NRG3: variants seen among roughly 807,000 people sequenced by gnomAD.
The protein encoded by NRG3 is neuregulin 3.
A neutral mutation model predicts 66.9 loss-of-function variants in NRG3; 31 were observed. The observed-to-expected ratio is 0.46, with a 90% CI of 0.35 to 0.63. The LOEUF (loss-of-function observed/expected upper bound fraction) is 0.63, where lower values mean the gene tolerates loss of function less well. Ranked by LOEUF, NRG3 falls within the 20% of genes least tolerant of loss-of-function variation. The probability of loss-of-function intolerance (pLI) is 0.00; values close to 1 mark genes in which losing one functional copy is unlikely to be tolerated. For missense variants in NRG3, 910 were observed against 878.9 expected, an observed-to-expected ratio of 1.04 and a Z score of -0.45; for synonymous variants, 393 against 359.4, an observed-to-expected ratio of 1.09 and a Z score of -1.06.
At chr10:81,918,701 T>C (rs1845933643) in intron 1 of NRG3, among the ~76,000 whole-genome samples, 2 of 152,130 alleles carry the variant, frequency 1.3e-5, no homozygotes, top group Admixed American at 6.6e-5. Flanking sequence ...AAATGAGGAC[T>C]TGCTGATAGA....
chr10:82,001,867 G>A (rs1160437239), intron 1 of NRG3, among the ~76,000 whole-genome samples: 1 of 152,062 alleles, frequency 6.6e-6, no homozygotes, highest in East Asian at 1.9e-4. Context: ...TGTATGTTTG[G>A]GACCTAATAA....
chr10:82,666,711 C>G (rs940009994), intron 2 of NRG3, among the ~76,000 whole-genome samples: 1 of 152,220 alleles, frequency 6.6e-6, no homozygotes, highest in African/African-American at 2.4e-5. Flanking sequence ...AACTGCAGAT[C>G]TGACTTCTAT....
rs1249937269 is a variant in NRG3, at chr10:82,895,964, C to T, written c.1054+30527C>T. 3.3e-5 allele frequency among the ~76,000 whole-genome samples: 5 copies of T among 152,084 alleles called. No individual in the cohort carries two copies. In the East Asian group the frequency reaches 9.7e-4, roughly 29 times the overall value. On this transcript the variant is annotated intron_variant, in intron 4 of 8. Coordinates refer to ENST00000372141, the MANE Select transcript of NRG3 (RefSeq NM_001010848.4). ...GATAGGATCGAATGAAATACTGCAG[C>T]TAATGTACTCAATGCAGTGGCTGAG... is the stretch of plus-strand genomic sequence containing the variant.
intron 2 of NRG3, among the ~76,000 whole-genome samples, chr10:82,556,813 T>A (rs2044681179): frequency 6.6e-6 from 1 of 152,024 alleles, no homozygotes; most frequent in Non-Finnish European, 1.5e-5. Flanking sequence ...CTGAAGTAGA[T>A]CCCAGTGTCT....
intron 4 of NRG3, among the ~76,000 whole-genome samples, chr10:82,923,719 A>G (rs1846690757): frequency 6.6e-6 from 1 of 152,114 alleles, no homozygotes; most frequent in African/African-American, 2.4e-5. Context: ...TTCTTGTTTA[A>G]GTAGGTTAAA....
chr10:82,855,558 C>T (rs900600696), intron 3 of NRG3, among the ~76,000 whole-genome samples: 8 of 152,128 alleles, frequency 5.3e-5, no homozygotes, highest in Middle Eastern at 3.4e-3. Context: ...CCACCATGCC[C>T]GGCTGATTTT....
intron 2 of NRG3, among the ~76,000 whole-genome samples, chr10:82,630,298 A>G (rs910898957): frequency 9.2e-5 from 14 of 151,978 alleles, no homozygotes; most frequent in African/African-American, 3.4e-4. Context: ...TCTTTTCAAG[A>G]TAGGGTTGTG....
intron 1 of NRG3, among the ~76,000 whole-genome samples, chr10:81,936,128 C>T (rs1347845533): frequency 1.3e-5 from 2 of 151,978 alleles, no homozygotes; most frequent in Non-Finnish European, 2.9e-5. Context: ...ATAGAGGGAA[C>T]AGTGGAGAAA....
At chr10:82,321,831 G>A (rs181874740) in intron 1 of NRG3, among the ~76,000 whole-genome samples, 30 of 152,256 alleles carry the variant, frequency 2.0e-4, no homozygotes, top group Non-Finnish European at 1.6e-4. Flanking sequence ...TCTCCCTCTA[G>A]TTAACATGGC....
In NRG3 at chr10:82,116,887, A is replaced by G. The variant is rs543248242; in HGVS notation, c.823+240724A>G. Among the ~76,000 whole-genome samples, 6 of 152,198 alleles carry G rather than the reference A, an allele frequency of 3.9e-5. No homozygotes were observed. The East Asian group carries it at 1.2e-3, about 30-fold the overall frequency. On this transcript the variant is annotated intron_variant, in intron 1 of 8. Coordinates refer to ENST00000372141, the MANE Select transcript of NRG3 (RefSeq NM_001010848.4). ...CTTCGGTACTCTTCTCCTTCCAGAC[A>G]TCCATGACCTGGAGCTTTGCTTTCA...
chr10:82,235,713 T>C (rs980348642), intron 1 of NRG3, among the ~76,000 whole-genome samples: 13 of 152,182 alleles, frequency 8.5e-5, no homozygotes, highest in Admixed American at 5.2e-4. Flanking sequence ...AGCCTACTAG[T>C]GTGGCATTGT....
chr10:82,254,298 C>G (rs546293663), intron 1 of NRG3, among the ~76,000 whole-genome samples: 3 of 152,108 alleles, frequency 2.0e-5, no homozygotes, highest in Non-Finnish European at 4.4e-5. Flanking sequence ...TTAACGTAAA[C>G]TAGATTTGAT....
chr10:82,489,406 G>A (rs1207965213), intron 2 of NRG3, among the ~76,000 whole-genome samples: 1 of 152,156 alleles, frequency 6.6e-6, no homozygotes, highest in East Asian at 1.9e-4. Flanking sequence ...GGCTGGTATT[G>A]CATCAGCAGC....
chr10:82,450,101 G>A (rs1224584384), intron 2 of NRG3, among the ~76,000 whole-genome samples: 1 of 152,186 alleles, frequency 6.6e-6, no homozygotes, highest in Non-Finnish European at 1.5e-5. Context: ...TATACATCAA[G>A]TTCAACATTT....
intron 2 of NRG3, among the ~76,000 whole-genome samples, chr10:82,630,721 T>C (rs1416394566): frequency 6.6e-6 from 1 of 152,122 alleles, no homozygotes; most frequent in Non-Finnish European, 1.5e-5. Flanking sequence ...GCCAATTTTA[T>C]ATTTAATTTT....
intron 2 of NRG3, among the ~76,000 whole-genome samples, chr10:82,678,610 T>A (rs1352789202): frequency 6.6e-6 from 1 of 152,142 alleles, no homozygotes; most frequent in Non-Finnish European, 1.5e-5. Context: ...TTAAACCAAT[T>A]GTTATTTTAG....
At position 81,987,567 on chromosome 10, in the gene NRG3, C is replaced by A. The variant is rs546457577; in HGVS notation, c.823+111404C>A. On this transcript the variant is annotated intron_variant, in intron 1 of 8. Transcript: ENST00000372141. ...AAAAATGCTAGCTAATGGCAAATGGCAAAATGGCTTTTGGAGGGTATGTAA... is the reference window on the plus strand; with the variant it reads ...AAAAATGCTAGCTAATGGCAAATGGAAAAATGGCTTTTGGAGGGTATGTAA... Among the ~76,000 whole-genome samples, 448 of 152,172 alleles carry A rather than the reference C, an allele frequency of 2.9e-3. 2 individuals are homozygous for A. Among genetic ancestry groups the A allele is most frequent in the African/African-American group, 0.01 (435 of 41,514 alleles).
chr10:82,042,932 G>A (rs76866274), intron 1 of NRG3, among the ~76,000 whole-genome samples: 3,980 of 151,988 alleles, frequency 0.026, 133 homozygotes, highest in East Asian at 0.14. Context: ...GGCAACATTC[G>A]CAAAACATTT....
intron 1 of NRG3, among the ~76,000 whole-genome samples, chr10:82,183,927 G>A (rs889503570): frequency 6.6e-6 from 1 of 152,108 alleles, no homozygotes; most frequent in Non-Finnish European, 1.5e-5. Flanking sequence ...TAGTTGTCGT[G>A]TTGTTTCCCA....
Sources: gnomAD v4.1 joint callset for allele counts (sites outside exome capture counted in the v4.1 genomes callset) on GRCh38, gnomAD v4.1.1 for gene constraint, MANE v1.5 for transcripts, NCBI Gene and HGNC (gene_info 2026-07-23, HGNC 2026-07-21) for gene names.